Variants in BABAM2 observed in about 807,000 individuals in gnomAD.
BABAM2 encodes the protein BRISC and BRCA1-A complex member 2.
Under a neutral mutation model 54.7 loss-of-function variants are expected in BABAM2, and 31 were observed. That is an observed-to-expected ratio of 0.57 (90% confidence interval 0.43 to 0.77). The LOEUF (loss-of-function observed/expected upper bound fraction) is 0.77, where lower values mean the gene tolerates loss of function less well. Ranked by LOEUF, BABAM2 falls within the 30% of genes least tolerant of loss-of-function variation. The pLI is 0.00. For missense variants in BABAM2, 364 were observed against 455.8 expected, an observed-to-expected ratio of 0.80 and a Z score of 1.83; for synonymous variants, 167 against 162.9, an observed-to-expected ratio of 1.03 and a Z score of -0.19.
chr2:28,001,851 A>G (rs1673603679), intron 4 of BABAM2, among the ~76,000 whole-genome samples: 1 of 152,098 alleles, frequency 6.6e-6, no homozygotes. Flanking sequence ...GCCCCTATGC[A>G]CCAAACACCT....
At chr2:28,168,874 A>G (rs1558401451) in intron 7 of BABAM2, among the ~76,000 whole-genome samples, 1 of 152,168 alleles carries the variant, frequency 6.6e-6, no homozygotes, top group Admixed American at 6.5e-5. Flanking sequence ...CTGCTCCCCA[A>G]TTAATTAATT....
chr2:28,042,717 C>T (rs934313448), intron 5 of BABAM2, among the ~76,000 whole-genome samples: 13 of 151,974 alleles, frequency 8.6e-5, no homozygotes, highest in African/African-American at 2.9e-4. Flanking sequence ...TAAAGTAAAA[C>T]AGAGAAATGA....
intron 7 of BABAM2, among the ~76,000 whole-genome samples, chr2:28,202,724 T>G (rs764634897): frequency 2.6e-5 from 4 of 152,126 alleles, no homozygotes; most frequent in Non-Finnish European, 5.9e-5. Flanking sequence ...ATGGAACCTA[T>G]GAATACAAAT....
intron 10 of BABAM2, among the ~76,000 whole-genome samples, chr2:28,250,590 T>TTC (rs1683369880): frequency 6.7e-6 from 1 of 148,772 alleles, no homozygotes; most frequent in African/African-American, 2.5e-5. Flanking sequence ...TTTTCTTTTT[T>TTC]TTTTGTTTGT....
rs1220527975 is a variant in BABAM2 at position 27,989,690 on chromosome 2, T to A, written c.300+1603T>A. 2.0e-5 allele frequency among the ~76,000 whole-genome samples: 3 copies of A among 152,084 alleles called. 1 individual carries two copies. The highest frequency in any genetic ancestry group is 4.4e-5 in the Non-Finnish European group (3 of 68,014). ...AATAAGGAGAGATCGAAGACCAGAATTGAGGATAGTTGTAAAAATTCAGTG... is the reference window on the plus strand; with the variant it reads ...AATAAGGAGAGATCGAAGACCAGAAATGAGGATAGTTGTAAAAATTCAGTG... On this transcript the variant is annotated intron_variant, in intron 4 of 11. Coordinates refer to ENST00000379624, the MANE Select transcript of BABAM2 (RefSeq NM_199191.3).
intron 3 of BABAM2, among the ~76,000 whole-genome samples, chr2:27,950,662 G>A (rs902184949): frequency 2.6e-5 from 4 of 151,996 alleles, no homozygotes; most frequent in Non-Finnish European, 5.9e-5. Flanking sequence ...CTTCAGAATA[G>A]AATGAGTTGC....
chr2:28,130,801 G>A (rs1433325949), intron 7 of BABAM2, among the ~76,000 whole-genome samples: 4 of 151,898 alleles, frequency 2.6e-5, no homozygotes, highest in Admixed American at 2.6e-4. Flanking sequence ...GTGCAGTGGT[G>A]CAATCTCGGC....
intron 7 of BABAM2, among the ~76,000 whole-genome samples, chr2:28,144,574 C>A (rs1671337323): frequency 6.6e-6 from 1 of 152,098 alleles, no homozygotes; most frequent in Admixed American, 6.6e-5. Flanking sequence ...AGCCCAAATG[C>A]TTTAGGGATC....
intron 3 of BABAM2, among the ~76,000 whole-genome samples, chr2:27,950,173 A>G (rs1312645220): frequency 6.6e-6 from 1 of 152,202 alleles, no homozygotes; most frequent in Non-Finnish European, 1.5e-5. Flanking sequence ...AGAACAAAAA[A>G]TATCAGGTTG....
At chr2:28,113,943 C>G (rs1247811888) in intron 6 of BABAM2, among the ~76,000 whole-genome samples, 1 of 152,104 alleles carries the variant, frequency 6.6e-6, no homozygotes, top group African/African-American at 2.4e-5. Flanking sequence ...ATTTGGCTCC[C>G]TGTTTGCTTA....
chr2:28,194,980 G>A (rs1677365494), intron 7 of BABAM2, among the ~76,000 whole-genome samples: 1 of 152,204 alleles, frequency 6.6e-6, no homozygotes, highest in African/African-American at 2.4e-5. Flanking sequence ...ACAGGCGTTA[G>A]CCACCACGCC....
intron 4 of BABAM2, chr2:28,016,287 T>G: frequency 1.1e-6 from 1 of 947,820 alleles, no homozygotes; most frequent in Non-Finnish European, 1.7e-6. Context: ...CAGTTCTCAT[T>G]CATTTTTTCT....
chr2:28,153,923 AC>A (rs1558388560), intron 7 of BABAM2, among the ~76,000 whole-genome samples: 1 of 152,186 alleles, frequency 6.6e-6, no homozygotes, highest in Non-Finnish European at 1.5e-5. Context: ...TGTAAAGAAT[AC>A]CCTTAGGGGA....
At chr2:27,973,504 C>T (rs987942113) in intron 3 of BABAM2, among the ~76,000 whole-genome samples, 3 of 151,814 alleles carry the variant, frequency 2.0e-5, no homozygotes, top group African/African-American at 7.3e-5. Context: ...AGGACTCTTG[C>T]AGTAGCCTCT....
intron 4 of BABAM2, among the ~76,000 whole-genome samples, chr2:27,999,040 A>G (rs995209684): frequency 2.8e-4 from 42 of 152,110 alleles, no homozygotes; most frequent in Non-Finnish European, 1.5e-5. Flanking sequence ...CCTTTGTAGC[A>G]TTGTATTCTG....
At chr2:27,948,586 C>A (rs1193968104) in intron 3 of BABAM2, among the ~76,000 whole-genome samples, 1 of 152,152 alleles carries the variant, frequency 6.6e-6, no homozygotes, top group Non-Finnish European at 1.5e-5. Context: ...GCCTGGCCAA[C>A]ATGGCAAAAC....
At chr2:28,327,387 G>A (rs201185767) in intron 11 of BABAM2, 2 of 1,613,536 alleles carry the variant, frequency 1.2e-6, no homozygotes, top group Admixed American at 1.7e-5. Context: ...CCAAGCTCCA[G>A]AGGGCCTCCT....
chr2:28,158,147 A>G (rs1417898168), intron 7 of BABAM2, among the ~76,000 whole-genome samples: 7 of 152,260 alleles, frequency 4.6e-5, no homozygotes, highest in South Asian at 2.1e-4. Context: ...TAAAATCTCA[A>G]TAGGTAAAAG....
rs181466775 is a variant in BABAM2, at chr2:28,011,127, A to C, written c.301-14099A>C. On this transcript the variant is annotated intron_variant, in intron 4 of 11. Coordinates refer to ENST00000379624, the MANE Select transcript of BABAM2 (RefSeq NM_199191.3). ...AGAATGGGGAAGGGAAGTCTCCCCC[A>C]CAAAATTTGGTTTGGTGTTATCAGC... 9.2e-5 allele frequency among the ~76,000 whole-genome samples: 14 copies of C among 152,292 alleles called. No individual in the cohort carries two copies. In the East Asian group the frequency reaches 2.7e-3, roughly 29 times the overall value.
Sources: allele counts gnomAD v4.1 joint callset (sites outside exome capture counted in the v4.1 genomes callset), GRCh38; gene constraint gnomAD v4.1.1; transcripts MANE v1.5; gene names NCBI Gene and HGNC (gene_info 2026-07-23, HGNC 2026-07-21).